The following CISD3 variants were observed in gnomAD, a reference collection of about 807,000 sequenced individuals.
The protein encoded by CISD3 is CDGSH iron sulfur domain 3, also known as CDGSH iron-sulfur domain-containing protein 3, mitochondrial.
CISD3 carries 11 observed loss-of-function variants against 14.1 expected under a neutral mutation model. The ratio of observed to expected loss-of-function variants is 0.78; its 90% CI spans 0.49 to 1.29. The LOEUF (loss-of-function observed/expected upper bound fraction) is 1.29, where lower values mean the gene tolerates loss of function less well. CISD3 is among the 50% of genes most tolerant of loss of function. The probability of loss-of-function intolerance (pLI) is 0.00; values close to 1 mark genes in which losing one functional copy is unlikely to be tolerated. For missense variants in CISD3, 156 were observed against 171.6 expected, an observed-to-expected ratio of 0.91 and a Z score of 0.51; for synonymous variants, 53 against 69.2, an observed-to-expected ratio of 0.77 and a Z score of 1.16.
chr17:38,731,297 C>T (rs773577639), intron 2 of CISD3, 23 bp from the exon 3 acceptor site: 2 of 1,550,090 alleles, frequency 1.3e-6, no homozygotes, highest in African/African-American at 1.4e-5. Flanking sequence ...TAACCCTGAG[C>T]CCCTCATCTT....
intron 2 of CISD3, 178 bp from the exon 3 acceptor site, chr17:38,731,142 A>G (rs1906315257): frequency 1.2e-6 from 1 of 854,394 alleles, no homozygotes; most frequent in East Asian, 2.7e-5. Flanking sequence ...CTCCCTGTCC[A>G]AAGCTCACGG....
rs1280397855 is a variant in CISD3 at position 38,733,333 on chromosome 17, A to C, written c.262A>C (p.Lys88Gln). 1.3e-6 allele frequency: 2 copies of C among 1,551,718 alleles called. No individual in the cohort carries two copies. The highest frequency in any genetic ancestry group is 1.7e-6 in the Non-Finnish European group (2 of 1,146,976). The change falls in exon 4 of 4, where the codon AAG (lysine) becomes CAG (glutamine). Residue 88 changes from lysine to glutamine, a missense_variant. By Grantham distance (53) the Lys-to-Gln change is moderately conservative. Transcript: ENST00000613478. ...CACTGGCCTATCTCCACTCAAGTTC[A>C]AGGCCCAAGAGACCCGCATGGTGGC... is the stretch of plus-strand genomic sequence containing the variant. The part of the protein sequence containing the change: ...QRTGLSPLKF[K>Q]AQETRMVALC...
chr17:38,735,107 C>T lies in CISD3; in HGVS notation c.*1652C>T. 1 of 743,028 alleles carries T rather than the reference C, an allele frequency of 1.3e-6. No individual in the cohort carries two copies. Among genetic ancestry groups the T allele is most frequent in the Non-Finnish European group, 1.9e-6 (1 of 518,186 alleles). 46.0% of individuals were successfully genotyped at this position (743,028 alleles called of 1,614,324 possible). A position where few individuals can be genotyped will look rare whatever the true frequency, so the allele number is the denominator to read the frequency against. ...TATATATATTTATTTATAAAACCCG[C>T]CCCCCACCCCCAAGGTGGGAAGAGC... On this transcript the variant is annotated 3_prime_UTR_variant, in exon 4 of 4. Coordinates refer to ENST00000613478, the MANE Select transcript of CISD3 (RefSeq NM_001136498.2).
chr17:38,731,480 G>A, intron 3 of CISD3, 41 bp downstream of exon 3: 2 of 1,550,892 alleles, frequency 1.3e-6, no homozygotes, highest in Non-Finnish European at 1.7e-6. Context: ...CCTCTGGCTA[G>A]GAACAGCCTG....
chr17:38,731,543 T>TGA (rs1906336333), intron 3 of CISD3, 104 bp downstream of exon 3: 1 of 1,447,844 alleles, frequency 6.9e-7, no homozygotes, highest in Non-Finnish European at 9.4e-7. Context: ...CACACATACC[T>TGA]GAGGGACACC....
At chr17:38,730,835 C>T in intron 2 of CISD3, 40 bp downstream of exon 2, 2 of 1,539,880 alleles carry the variant, frequency 1.3e-6, no homozygotes, top group Non-Finnish European at 1.8e-6. Flanking sequence ...GCACAAGACC[C>T]CCAGGCACGG....
At position 38,735,297 on chromosome 17, in the gene CISD3, G is replaced by A. The variant is rs1598011506; in HGVS notation, c.*1842G>A. 2 of 1,509,624 alleles carry A rather than the reference G, an allele frequency of 1.3e-6. No individual in the cohort carries two copies. The highest frequency in any genetic ancestry group is 1.7e-4 in the Middle Eastern group (1 of 5,728). The allele number at this position is 1,509,624 out of a possible 1,614,324, so 93.5% of individuals were successfully genotyped here. A position where few individuals can be genotyped will look rare whatever the true frequency, so the allele number is the denominator to read the frequency against. On this transcript the variant is annotated 3_prime_UTR_variant, in exon 4 of 4. Coordinates refer to ENST00000613478, the MANE Select transcript of CISD3 (RefSeq NM_001136498.2). ...CTGCTGGTGGAGGATGGTGTCTGCAGGCAGTTCAAGCTACCCCCGTTGGCA... is the reference window on the plus strand; with the variant it reads ...CTGCTGGTGGAGGATGGTGTCTGCAAGCAGTTCAAGCTACCCCCGTTGGCA...
In CISD3 at chr17:38,730,792, G is replaced by C; in HGVS notation, c.81G>C (p.Trp27Cys). The C allele has an allele frequency of 6.4e-7, 1 of 1,551,620 alleles. No homozygotes were observed. The highest frequency in any genetic ancestry group is 8.7e-7 in the Non-Finnish European group (1 of 1,146,920). ...ACCCGCGGCGGGACATCTCCTCCTG[G>C]CTGGTGAGTCCCCCCATCCTCCCCT... Reference protein sequence around the residue: ...DLNPRRDISSWLAQWFPRTPA... With the variant: ...DLNPRRDISSCLAQWFPRTPA... The change falls in exon 2 of 4, where the codon TGG becomes TGC. Residue 27 changes from tryptophan (W) to cysteine (C), a missense_variant. Physicochemically the swap from Trp to Cys is radical, Grantham distance 215. Transcript: ENST00000613478.
chr17:38,735,270 C>T lies in CISD3; in HGVS notation c.*1815C>T. ...GCGCCGTTGACAGTCATCTTGCGCC[C>T]CCTGCTGGTGGAGGATGGTGTCTGC... On this transcript the variant is annotated 3_prime_UTR_variant, in exon 4 of 4. Transcript: ENST00000613478. 1 of 1,469,496 alleles carries T rather than the reference C, an allele frequency of 6.8e-7. No homozygotes were observed. Among genetic ancestry groups the T allele is most frequent in the African/African-American group, 1.4e-5 (1 of 71,620 alleles). 91.0% of individuals were successfully genotyped at this position (1,469,496 alleles called of 1,614,324 possible).
rs757276156 is a variant in CISD3, at chr17:38,731,422, G to A, written c.187G>A (p.Gly63Ser). The change falls in exon 3 of 4, where the codon GGC (glycine) becomes AGC (serine). Residue 63 changes from glycine to serine, a missense_variant. Coordinates refer to ENST00000613478, the MANE Select transcript of CISD3 (RefSeq NM_001136498.2). Reference sequence around the variant, plus strand: ...GAAAACCTACAGGTGGTGTGTGTGTGGCCGCAGCAAGAAGCAGGTGAGACC... The same window carrying A: ...GAAAACCTACAGGTGGTGTGTGTGTAGCCGCAGCAAGAAGCAGGTGAGACC... The part of the protein sequence containing the change: ...AGKTYRWCVC[G>S]RSKKQPFCDG... The A allele has an allele frequency of 4.6e-5, 72 of 1,551,522 alleles. No individual in the cohort carries two copies. Among genetic ancestry groups the A allele is most frequent in the Non-Finnish European group, 3.7e-5 (43 of 1,146,958 alleles).
intron 3 of CISD3, among the ~76,000 whole-genome samples, chr17:38,732,938 G>GACACACACACAC (rs148830489): frequency 0.012 from 1,375 of 116,634 alleles, 27 homozygotes; most frequent in African/African-American, 0.037. Context: ...GAGACTCAGA[G>GACACACACACAC]ACACACACAC....
Position 38,733,534 on chromosome 17 carries a change from A to G in CISD3, c.*79A>G, listed in dbSNP as rs2143738538. The G allele has an allele frequency of 2.2e-6, 3 of 1,374,718 alleles. No homozygotes were observed. Among genetic ancestry groups the G allele is most frequent in the Non-Finnish European group, 2.9e-6 (3 of 1,035,344 alleles). The allele number at this position is 1,374,718 out of a possible 1,614,324, so 85.2% of individuals were successfully genotyped here. A position where few individuals can be genotyped will look rare whatever the true frequency, so the allele number is the denominator to read the frequency against. On this transcript the variant is annotated 3_prime_UTR_variant, in exon 4 of 4. Transcript: ENST00000613478. ...CACCCCCTTCTGTGGGAAAGGAAACAGGTGCTGAGCCCAAGAGACTCTGGT... is the reference window on the plus strand; with the variant it reads ...CACCCCCTTCTGTGGGAAAGGAAACGGGTGCTGAGCCCAAGAGACTCTGGT...
intron 3 of CISD3, among the ~76,000 whole-genome samples, chr17:38,732,139 T>C (rs1344351460): frequency 6.6e-6 from 1 of 152,206 alleles, no homozygotes; most frequent in Non-Finnish European, 1.5e-5. Flanking sequence ...CCTGCCCATA[T>C]TGTTTGCCTC....
Position 38,733,406 on chromosome 17 carries a change from C to T in CISD3, c.335C>T (p.Thr112Ile), listed in dbSNP as rs980987799. Residue 112 changes from threonine (T) to isoleucine (I), a missense_variant, in exon 4 of 4, where the codon ACC (threonine) becomes ATC (isoleucine). Thr to Ile is a moderately conservative substitution (Grantham distance 89). Coordinates refer to ENST00000613478, the MANE Select transcript of CISD3 (RefSeq NM_001136498.2). ...ATQRPPYCDG[T>I]HRSERVQKAE... ...CAGAGGCCCCCGTACTGCGATGGCA[C>T]CCACAGGAGTGAGCGCGTGCAGAAG... 18 of 1,551,122 alleles carry T rather than the reference C, an allele frequency of 1.2e-5. No individual in the cohort carries two copies. Among genetic ancestry groups the T allele is most frequent in the Non-Finnish European group, 1.4e-5 (16 of 1,146,702 alleles).
rs1427075017 is a variant in CISD3, at chr17:38,731,300, C to T, written c.85-20C>T. 6.4e-7 allele frequency: 1 copy of T among 1,550,478 alleles called. No individual in the cohort carries two copies. Among genetic ancestry groups the T allele is most frequent in the Non-Finnish European group, 8.7e-7 (1 of 1,146,778 alleles). On this transcript the variant is annotated intron_variant, in intron 2 of 3. Coordinates refer to ENST00000613478, the MANE Select transcript of CISD3 (RefSeq NM_001136498.2). ...CAGGGCTTGAGCTAACCCTGAGCCC[C>T]TCATCTTCCCTGGCCACAGGCCCAG...
At position 38,730,533 on chromosome 17, in the gene CISD3, G is replaced by A. The variant is rs534676270; in HGVS notation, c.48+127G>A. The A allele has an allele frequency of 2.6e-5, 24 of 932,798 alleles. No individual in the cohort carries two copies. In the African/African-American group the frequency reaches 3.9e-4, roughly 15 times the overall value. The allele number at this position is 932,798 out of a possible 1,614,324, so 57.8% of individuals were successfully genotyped here. A position where few individuals can be genotyped will look rare whatever the true frequency, so the allele number is the denominator to read the frequency against. On this transcript the variant is annotated intron_variant, in intron 1 of 3. Coordinates refer to ENST00000613478, the MANE Select transcript of CISD3 (RefSeq NM_001136498.2). ...GGCCCGTCCCGCCGGTGTCTGGCTT[G>A]CCTCAGCTCACAGGCTTTTCCCGAG...
chr17:38,733,483 G>A lies in CISD3; in HGVS notation c.*28G>A, dbSNP rs1906444069. 2 of 1,493,726 alleles carry A rather than the reference G, an allele frequency of 1.3e-6. No homozygotes were observed. Among genetic ancestry groups the A allele is most frequent in the African/African-American group, 2.8e-5 (2 of 71,590 alleles). 92.5% of individuals were successfully genotyped at this position (1,493,726 alleles called of 1,614,324 possible). On this transcript the variant is annotated 3_prime_UTR_variant, in exon 4 of 4. Transcript: ENST00000613478. ...GGGCTGCTGCTGTCCAGCCACAGGT[G>A]GCCTTGGCTCCAGGCCTCTGACAGG... is the stretch of plus-strand genomic sequence containing the variant.
At position 38,733,556 on chromosome 17, in the gene CISD3, T is replaced by G; in HGVS notation, c.*101T>G. 1 of 1,146,558 alleles carries G rather than the reference T, an allele frequency of 8.7e-7. No individual in the cohort carries two copies. Among genetic ancestry groups the G allele is most frequent in the African/African-American group, 1.6e-5 (1 of 63,962 alleles). 71.0% of individuals were successfully genotyped at this position (1,146,558 alleles called of 1,614,324 possible). ...AACAGGTGCTGAGCCCAAGAGACTC[T>G]GGTACCCACTGCTGGCTCATGAAGG... On this transcript the variant is annotated 3_prime_UTR_variant, in exon 4 of 4. Transcript: ENST00000613478.
chr17:38,731,447 C>A lies in CISD3; in HGVS notation c.204+8C>A, dbSNP rs1220727062. The A allele has an allele frequency of 6.4e-7, 1 of 1,551,380 alleles. No individual in the cohort carries two copies. The highest frequency in any genetic ancestry group is 8.7e-7 in the Non-Finnish European group (1 of 1,146,904). ...GGCCGCAGCAAGAAGCAGGTGAGAC[C>A]CCTGTCTGCCTTCCTACTGATACCT... On this transcript the variant is annotated splice_region_variant and intron_variant, in intron 3 of 3. Coordinates refer to ENST00000613478, the MANE Select transcript of CISD3 (RefSeq NM_001136498.2).
Sources: gnomAD v4.1 joint callset for allele counts (sites outside exome capture counted in the v4.1 genomes callset) on GRCh38, gnomAD v4.1.1 for gene constraint, MANE v1.5 for transcripts, NCBI Gene and HGNC (gene_info 2026-07-23, HGNC 2026-07-21) for gene names.